The following EXOC2 variants were observed in gnomAD, a reference collection of about 807,000 sequenced individuals.
EXOC2 encodes SEC5-like 1.
In EXOC2, 70 loss-of-function variants were observed where a neutral mutation model predicts 131.8. The observed-to-expected ratio is 0.53, with a 90% confidence interval of 0.44 to 0.65. The LOEUF is 0.65. Ranked by LOEUF, EXOC2 falls within the 30% of genes least tolerant of loss-of-function variation. The pLI is 0.00. For synonymous variants in EXOC2, 411 were observed against 398.4 expected (o/e 1.03, Z -0.38); for missense variants, 923 against 1,108.6 (o/e 0.83, Z 2.38).
chr6:616,420 G>A (rs998494321), intron 6 of EXOC2, among the ~76,000 whole-genome samples: 5 of 151,848 alleles, frequency 3.3e-5, no homozygotes, highest in African/African-American at 9.7e-5. Flanking sequence ...TGGCTAACAC[G>A]GTGAAACCCC....
intron 1 of EXOC2, chr6:669,910 T>C (rs1398954380): frequency 2.6e-5 from 4 of 152,306 alleles, no homozygotes; most frequent in Admixed American, 2.6e-4. Context: ...CATGATTTCC[T>C]CTGCAGTGCC....
At chr6:658,755 A>C (rs1763280383) in intron 1 of EXOC2, among the ~76,000 whole-genome samples, 1 of 149,286 alleles carries the variant, frequency 6.7e-6, no homozygotes, top group African/African-American at 2.5e-5. Context: ...TCTACCTCTC[A>C]GGTTCAAGCG....
intron 3 of EXOC2, among the ~76,000 whole-genome samples, chr6:630,817 ATATC>A (rs1341150701): frequency 6.6e-6 from 1 of 152,258 alleles, no homozygotes; most frequent in Admixed American, 6.5e-5. Context: ...ATTCAATAAA[ATATC>A]TAACGATTAA....
intron 11 of EXOC2, among the ~76,000 whole-genome samples, chr6:591,351 G>A (rs538631952): frequency 1.3e-5 from 2 of 152,206 alleles, no homozygotes; most frequent in Admixed American, 1.3e-4. Flanking sequence ...AAGAAAGTTC[G>A]TCTCTTCACT....
chr6:552,308 C>T lies in EXOC2; in HGVS notation c.2121+1546G>A, dbSNP rs144713899. 6.1e-3 allele frequency among the ~76,000 whole-genome samples: 928 copies of T among 152,350 alleles called. 5 individuals carry two copies. Among genetic ancestry groups the T allele is most frequent in the South Asian group, 0.015 (72 of 4,832 alleles). ...AGTGCCGCCCCCTCTGTGTGTCGTT[C>T]CCTAATGCTTTGCACTGATGACCCT... On this transcript the variant is annotated intron_variant, in intron 21 of 27. Coordinates refer to ENST00000230449, the MANE Select transcript of EXOC2 (RefSeq NM_018303.6).
rs1308947107 is a variant in EXOC2 at position 554,054 on chromosome 6, T to TG, written c.2055-135_2055-134insC. The TG allele has an allele frequency of 5.4e-6, 4 of 741,096 alleles. No homozygotes were observed. In the Admixed American group the frequency reaches 1.0e-4, roughly 18 times the overall value. The allele number at this position is 741,096 out of a possible 1,614,324, so 45.9% of individuals were successfully genotyped here. ...GGTGAAAGTCACATAACTTTTTTTT[T>TG]TTTGAGATGAAGTCTTGCTCTTGTC... is the stretch of plus-strand genomic sequence containing the variant. On this transcript the variant is annotated intron_variant, in intron 20 of 27. Transcript: ENST00000230449.
At chr6:513,008 C>T (rs1415761244) in intron 23 of EXOC2, among the ~76,000 whole-genome samples, 1 of 152,210 alleles carries the variant, frequency 6.6e-6, no homozygotes, top group Non-Finnish European at 1.5e-5. Context: ...TTATTTTCAA[C>T]AATGGACGCT....
At chr6:531,362 G>A (rs1766066449) in intron 23 of EXOC2, among the ~76,000 whole-genome samples, 1 of 87,004 alleles carries the variant, frequency 1.1e-5, no homozygotes, top group African/African-American at 6.8e-5. Context: ...TGTACTTTGA[G>A]GGTATGAACT....
At chr6:652,377 G>A (rs1762874804) in intron 1 of EXOC2, among the ~76,000 whole-genome samples, 1 of 152,106 alleles carries the variant, frequency 6.6e-6, no homozygotes. Flanking sequence ...ACCACAGGTG[G>A]AATTTAGAAA....
chr6:656,141 ATC>A, intron 1 of EXOC2: 2 of 1,613,286 alleles, frequency 1.2e-6, no homozygotes, highest in Non-Finnish European at 1.7e-6. Context: ...GAAGAGAGAC[ATC>A]TTCTTGAACC....
intron 11 of EXOC2, among the ~76,000 whole-genome samples, chr6:585,897 C>T (rs1759179545): frequency 1.3e-5 from 2 of 152,292 alleles, no homozygotes; most frequent in East Asian, 3.9e-4. Flanking sequence ...AACAACTTTA[C>T]AGTGTTAGTA....
intron 12 of EXOC2, among the ~76,000 whole-genome samples, chr6:575,419 T>C (rs116011620): frequency 0.026 from 3,446 of 132,582 alleles, 128 homozygotes; most frequent in African/African-American, 0.084. Context: ...AAATGGGAAA[T>C]GGGTTAAAAG....
At chr6:560,796 C>T (rs1757658919) in intron 17 of EXOC2, among the ~76,000 whole-genome samples, 3 of 151,938 alleles carry the variant, frequency 2.0e-5, no homozygotes, top group Admixed American at 1.3e-4. Context: ...CAACCTCTGC[C>T]TCCCGGGTTC....
intron 11 of EXOC2, among the ~76,000 whole-genome samples, chr6:591,987 T>C (rs961901067): frequency 1.3e-5 from 2 of 152,334 alleles, no homozygotes; most frequent in East Asian, 1.9e-4. Flanking sequence ...TCTCCTCAGT[T>C]ACTCCCTTTT....
intron 27 of EXOC2, among the ~76,000 whole-genome samples, chr6:487,073 A>C (rs1292780746): frequency 6.6e-6 from 1 of 152,218 alleles, no homozygotes; most frequent in Non-Finnish European, 1.5e-5. Context: ...TCAACTCTAA[A>C]ATAATTTACA....
chr6:488,199 T>TCCCC (rs941997978), intron 27 of EXOC2, among the ~76,000 whole-genome samples: 2 of 151,790 alleles, frequency 1.3e-5, no homozygotes, highest in Admixed American at 1.3e-4. Flanking sequence ...ATGTGACAGC[T>TCCCC]CCCCCCCATG....
chr6:654,802 T>TAAAA, intron 1 of EXOC2, among the ~76,000 whole-genome samples: 1 of 3,992 alleles, frequency 2.5e-4, no homozygotes, highest in Non-Finnish European at 6.5e-4. Context: ...AGACCCTGTC[T>TAAAA]CAAAAAAAAA....
At chr6:548,492 C>T (rs1306702303) in intron 22 of EXOC2, among the ~76,000 whole-genome samples, 6 of 152,086 alleles carry the variant, frequency 3.9e-5, no homozygotes, top group Non-Finnish European at 8.8e-5. Flanking sequence ...TTTTCCTTTT[C>T]TGCTTAGTTG....
chr6:516,722 C>T (rs376809709), intron 23 of EXOC2, among the ~76,000 whole-genome samples: 2 of 152,210 alleles, frequency 1.3e-5, no homozygotes, highest in African/African-American at 2.4e-5. Flanking sequence ...CTGTGTACCA[C>T]AGGGCACACA....
Sources: gnomAD v4.1 joint callset for allele counts (sites outside exome capture counted in the v4.1 genomes callset) on GRCh38, gnomAD v4.1.1 for gene constraint, MANE v1.5 for transcripts, NCBI Gene and HGNC (gene_info 2026-07-23, HGNC 2026-07-21) for gene names.